Variants in EPHB2 observed in about 807,000 individuals in gnomAD.
EPHB2 encodes the protein ephrin type-B receptor 2.
In EPHB2, 18 loss-of-function variants were observed where a neutral mutation model predicts 96.4. The ratio of observed to expected loss-of-function variants is 0.19; its 90% CI spans 0.13 to 0.28. EPHB2 has a LOEUF of 0.28. EPHB2 is among the 10% of genes least tolerant of loss of function. EPHB2 has a pLI of 1.00. For missense variants in EPHB2, 989 were observed against 1,355.4 expected, an observed-to-expected ratio of 0.73 and a Z score of 4.25; for synonymous variants, 506 against 534.1, an observed-to-expected ratio of 0.95 and a Z score of 0.72.
rs1218789914 is a variant in EPHB2, at chr1:22,917,898, G to A, written c.*4328G>A. The A allele has an allele frequency of 6.6e-6, 1 of 152,218 alleles. No homozygotes were observed. Among genetic ancestry groups the A allele is most frequent in the South Asian group, 2.1e-4 (1 of 4,830 alleles). The allele number at this position is 152,218 out of a possible 1,614,324, so 9.4% of individuals were successfully genotyped here. A position where few individuals can be genotyped will look rare whatever the true frequency, so the allele number is the denominator to read the frequency against. ...AGAGGCTGTCTTGAAAATGACAGAG[G>A]TCAAAAGAAAGGTCACTCCAAGACG... On this transcript the variant is annotated 3_prime_UTR_variant, in exon 16 of 16. Transcript: ENST00000374630.
chr1:22,724,788 C>A (rs138289766), intron 1 of EPHB2, among the ~76,000 whole-genome samples: 3 of 152,108 alleles, frequency 2.0e-5, no homozygotes, highest in African/African-American at 7.2e-5. Context: ...TTATAGAGTC[C>A]GGTGGACTTG....
At chr1:22,762,720 G>A (rs1413484062) in intron 1 of EPHB2, among the ~76,000 whole-genome samples, 1 of 152,194 alleles carries the variant, frequency 6.6e-6, no homozygotes, top group African/African-American at 2.4e-5. Flanking sequence ...CACTTAGCTT[G>A]GTGCCTGGCA....
rs1640353228 is a variant in EPHB2, at chr1:22,919,815, T to TCTAG, written c.*6246_*6249dup. 2.6e-5 allele frequency: 4 copies of TCTAG among 152,240 alleles called. No homozygotes were observed. Among genetic ancestry groups the TCTAG allele is most frequent in the Admixed American group, 2.6e-4 (4 of 15,286 alleles). The allele number at this position is 152,240 out of a possible 1,614,324, so 9.4% of individuals were successfully genotyped here. On this transcript the variant is annotated 3_prime_UTR_variant, in exon 16 of 16. Transcript: ENST00000374630. ...TTCCACAGGTGAAAGATTCCAAGATTCTAGGATTGCAAAACCCCATCATTC... is the reference window on the plus strand; with the variant it reads ...TTCCACAGGTGAAAGATTCCAAGATTCTAGCTAGGATTGCAAAACCCCATCATTC...
chr1:22,882,476 A>G lies in EPHB2; in HGVS notation c.1421A>G (p.Tyr474Cys), dbSNP rs138869509. The G allele has an allele frequency of 1.9e-6, 3 of 1,613,824 alleles. No homozygotes were observed. Among genetic ancestry groups the G allele is most frequent in the East Asian group, 2.2e-5 (1 of 44,876 alleles). ...ATCCTGGACTATGAGCTGCAGTACT[A>G]TGAGAAGGTACCTATTGGCTGGGTG... ...GVILDYELQY[Y>C]EKELSEYNAT... Residue 474 changes from tyrosine (Y) to cysteine (C), a missense_variant, in exon 6 of 16, where the codon TAT (tyrosine) becomes TGT (cysteine). Tyr to Cys is a radical substitution (Grantham distance 194, BLOSUM62 -2). Transcript: ENST00000374630.
At chr1:22,755,493 C>T (rs1644135228) in intron 1 of EPHB2, among the ~76,000 whole-genome samples, 1 of 152,206 alleles carries the variant, frequency 6.6e-6, no homozygotes, top group Admixed American at 6.5e-5. Flanking sequence ...CTCCTCCCTG[C>T]CCTTCTGGCC....
chr1:22,766,571 T>G (rs181435885), intron 1 of EPHB2, among the ~76,000 whole-genome samples: 7 of 152,228 alleles, frequency 4.6e-5, no homozygotes, highest in Admixed American at 4.6e-4. Context: ...TTATTTACTA[T>G]TCCCATTTCC....
chr1:22,894,554 G>A (rs1427601528), intron 7 of EPHB2, among the ~76,000 whole-genome samples: 1 of 150,186 alleles, frequency 6.7e-6, no homozygotes, highest in African/African-American at 2.5e-5. Flanking sequence ...CCGAGATCGT[G>A]CCATTTCACT....
chr1:22,824,123 G>T (rs1400121026), intron 3 of EPHB2, among the ~76,000 whole-genome samples: 1 of 152,180 alleles, frequency 6.6e-6, no homozygotes, highest in Non-Finnish European at 1.5e-5. Context: ...GGCTGGATAG[G>T]TAGGTAGGTT....
intron 3 of EPHB2, among the ~76,000 whole-genome samples, chr1:22,835,024 C>T (rs1570359660): frequency 6.6e-6 from 1 of 152,096 alleles, no homozygotes; most frequent in Admixed American, 6.6e-5. Flanking sequence ...CCAGGATTGG[C>T]GATGACATAG....
intron 1 of EPHB2, among the ~76,000 whole-genome samples, chr1:22,773,897 C>T (rs188388172): frequency 1.3e-5 from 2 of 152,310 alleles, no homozygotes; most frequent in African/African-American, 4.8e-5. Context: ...GCCATGGAAA[C>T]CTTGAACAAC....
At chr1:22,712,199 T>A (rs1354998990) in intron 1 of EPHB2, among the ~76,000 whole-genome samples, 1 of 152,178 alleles carries the variant, frequency 6.6e-6, no homozygotes, top group Non-Finnish European at 1.5e-5. Context: ...TAGGTATGAT[T>A]CCTACTTCTC....
At chr1:22,834,243 G>A (rs1283970255) in intron 3 of EPHB2, among the ~76,000 whole-genome samples, 1 of 152,164 alleles carries the variant, frequency 6.6e-6, no homozygotes, top group Non-Finnish European at 1.5e-5. Flanking sequence ...TTACCACACA[G>A]AATGTCTCAT....
At chr1:22,748,333 T>C (rs1480931419) in intron 1 of EPHB2, among the ~76,000 whole-genome samples, 6 of 152,148 alleles carry the variant, frequency 3.9e-5, no homozygotes, top group East Asian at 1.9e-4. Context: ...ATTAGGTTCA[T>C]GGAAGAATGA....
Position 22,752,265 on chromosome 1 carries a change from A to G in EPHB2, c.62-29156A>G, listed in dbSNP as rs117421591. Among the ~76,000 whole-genome samples, 941 of 152,370 alleles carry G rather than the reference A, an allele frequency of 6.2e-3. 9 individuals carry two copies. Among genetic ancestry groups the G allele is most frequent in the East Asian group, 0.039 (201 of 5,190 alleles). On this transcript the variant is annotated intron_variant, in intron 1 of 15. Transcript: ENST00000374630. Reference sequence around the variant, plus strand: ...ATAATCCCAGCACTTTGGGGGGCCAAGGCAAGCAGATTCCTTGAGCCCAGG... The same window carrying G: ...ATAATCCCAGCACTTTGGGGGGCCAGGGCAAGCAGATTCCTTGAGCCCAGG...
Position 22,909,106 on chromosome 1 carries a change from G to A in EPHB2, c.2437G>A (p.Gly813Ser), listed in dbSNP as rs1640009069. 3 of 1,614,208 alleles carry A rather than the reference G, an allele frequency of 1.9e-6. No individual in the cohort carries two copies. The highest frequency in any genetic ancestry group is 2.5e-6 in the Non-Finnish European group (3 of 1,180,032). ...FTSASDVWSY[G>S]IVMWEVMSYG... ...CTCGGCCAGTGATGTGTGGAGCTACGGCATTGTCATGTGGGAGGTGATGTC... is the reference window on the plus strand; with the variant it reads ...CTCGGCCAGTGATGTGTGGAGCTACAGCATTGTCATGTGGGAGGTGATGTC... The change falls in exon 13 of 16, where the codon GGC (glycine) becomes AGC (serine). Residue 813 changes from glycine to serine, a missense_variant. Transcript: ENST00000374630.
intron 1 of EPHB2, among the ~76,000 whole-genome samples, chr1:22,730,520 TAAG>T (rs1643685511): frequency 3.3e-5 from 5 of 152,096 alleles, no homozygotes; most frequent in African/African-American, 1.2e-4. Flanking sequence ...GGGATGGTGC[TAAG>T]AAGAAAACTG....
chr1:22,887,324 C>T (rs1372777001), intron 6 of EPHB2, among the ~76,000 whole-genome samples: 1 of 152,266 alleles, frequency 6.6e-6, no homozygotes, highest in Admixed American at 6.5e-5. Flanking sequence ...TCCAGCAAGT[C>T]CACAGCCGGC....
intron 3 of EPHB2, among the ~76,000 whole-genome samples, chr1:22,838,631 C>T (rs532601055): frequency 2.0e-5 from 3 of 152,206 alleles, no homozygotes; most frequent in East Asian, 1.9e-4. Context: ...TATGATTTTT[C>T]GGAAAATGAT....
At chr1:22,757,652 G>A (rs747314967) in intron 1 of EPHB2, among the ~76,000 whole-genome samples, 28 of 151,998 alleles carry the variant, frequency 1.8e-4, no homozygotes, top group Non-Finnish European at 2.8e-4. Flanking sequence ...GCTTGAAGCC[G>A]GGAGTTCAAG....
Sources: allele counts gnomAD v4.1 joint callset (sites outside exome capture counted in the v4.1 genomes callset), GRCh38; gene constraint gnomAD v4.1.1; transcripts MANE v1.5; gene names NCBI Gene and HGNC (gene_info 2026-07-23, HGNC 2026-07-21).